The following GVQW3 variants were observed in gnomAD, a reference collection of about 807,000 sequenced individuals.
The protein encoded by GVQW3 is GVQW motif containing 3, also known as protein GVQW3.
GVQW3 carries 7 observed loss-of-function variants against 12.5 expected under a neutral mutation model. That is an observed-to-expected ratio of 0.56 (90% CI 0.32 to 1.05). The LOEUF is 1.05. Among genes scored for constraint, GVQW3 ranks in the 50% least tolerant of loss-of-function variants. GVQW3 has a pLI of 0.04. For missense variants in GVQW3, 188 were observed against 190.8 expected (o/e 0.99, Z 0.09); for synonymous variants, 71 against 67.2 (o/e 1.06, Z -0.28).
At chr11:76,408,533 CA>C (rs1228441540), downstream of GVQW3, 13 of 152,240 alleles carry the variant, frequency 8.5e-5, no homozygotes, top group African/African-American at 3.1e-4. Flanking sequence ...ATCAGTGCTC[CA>C]GCAAGTGAAC....
At chr11:76,412,373 G>A (rs1463599886), downstream of GVQW3, 1 of 152,228 alleles carries the variant, frequency 6.6e-6, no homozygotes, top group South Asian at 2.1e-4. Flanking sequence ...TGGTACTGAA[G>A]GATGGGCAGG....
In GVQW3 at chr11:76,385,051, CA is replaced by C. The variant is rs142832446; in HGVS notation, c.465+2759del. 3.8e-3 allele frequency among the ~76,000 whole-genome samples: 575 copies of C among 152,312 alleles called. 2 individuals are homozygous for C. Among genetic ancestry groups the C allele is most frequent in the Admixed American group, 9.3e-3 (143 of 15,296 alleles). ...CTGGATTTTATTCCAGTCCTATGAA[CA>C]GGGCTGGTATGTCCCTGCCAGTGAT... On this transcript the variant is annotated intron_variant, in intron 1 of 1. Coordinates refer to ENST00000529331, the MANE Select transcript of GVQW3 (RefSeq NM_001347885.2).
Position 76,400,006 on chromosome 11 carries a change from TACACACACACACACAC to T in GVQW3, c.466-3625_466-3610del, listed in dbSNP as rs60192043. 5.1e-4 allele frequency among the ~76,000 whole-genome samples: 71 copies of T among 140,466 alleles called. 2 individuals are homozygous for T. The South Asian group carries it at 0.012, about 24-fold the overall frequency. 92.2% of individuals were successfully genotyped at this position (140,466 alleles called of 152,430 possible). On this transcript the variant is annotated intron_variant, in intron 1 of 1. Transcript: ENST00000529331. Reference sequence around the variant, plus strand: ...TATAATAAATCTCTCTCTCTCTGTATACACACACACACACACACACACACACACACACACACACACA... The same window carrying T: ...TATAATAAATCTCTCTCTCTCTGTATACACACACACACACACACACACACA...
downstream of GVQW3, among the ~76,000 whole-genome samples, chr11:76,409,786 T>C (rs768872420): frequency 6.6e-6 from 1 of 152,154 alleles, no homozygotes; most frequent in Non-Finnish European, 1.5e-5. Context: ...AATGGTTTGT[T>C]CCTAGAATAC....
exon 2 of GVQW3, chr11:76,414,066 T>C (rs964605483): frequency 1.3e-5 from 2 of 152,154 alleles, no homozygotes; most frequent in East Asian, 3.9e-4. Flanking sequence ...TGGGCCCTGG[T>C]CACAAACTTC....
chr11:76,407,130 C>T lies in GVQW3; in HGVS notation c.*3372C>T, dbSNP rs1565249301. On this transcript the variant is annotated 3_prime_UTR_variant, in exon 2 of 2. Transcript: ENST00000529331. Reference sequence around the variant, plus strand: ...TTTCTGCTGTGTTTAAGAAAAATTACTTAACTTGTGAGACATTATGAAAAG... The same window carrying T: ...TTTCTGCTGTGTTTAAGAAAAATTATTTAACTTGTGAGACATTATGAAAAG... The T allele has an allele frequency of 6.6e-6, 1 of 152,160 alleles. No homozygotes were observed. The highest frequency in any genetic ancestry group is 1.9e-4 in the East Asian group (1 of 5,200). The allele number at this position is 152,160 out of a possible 1,614,324, so 9.4% of individuals were successfully genotyped here.
intron 1 of GVQW3, among the ~76,000 whole-genome samples, chr11:76,399,898 C>T (rs1160324046): frequency 6.6e-6 from 1 of 152,034 alleles, no homozygotes; most frequent in Non-Finnish European, 1.5e-5. Context: ...TGTTGGCTCT[C>T]CTGGGTCTAC....
chr11:76,388,480 C>T (rs1312237414), intron 1 of GVQW3, among the ~76,000 whole-genome samples: 1 of 152,028 alleles, frequency 6.6e-6, no homozygotes, highest in Non-Finnish European at 1.5e-5. Flanking sequence ...TTGTCTGATC[C>T]AGTCAGTCAT....
At chr11:76,401,293 A>AT (rs2134559857) in intron 1 of GVQW3, among the ~76,000 whole-genome samples, 1 of 150,678 alleles carries the variant, frequency 6.6e-6, no homozygotes, top group African/African-American at 2.4e-5. Context: ...CTCTATTTTG[A>AT]TCTTTTTTTT....
downstream of GVQW3, chr11:76,410,859 T>C (rs1331741973): frequency 6.6e-6 from 1 of 152,264 alleles, no homozygotes; most frequent in Non-Finnish European, 1.5e-5. Flanking sequence ...TTGTGTTTTC[T>C]AGGTCTGCAC....
At chr11:76,388,027 CA>C (rs1034847691) in intron 1 of GVQW3, among the ~76,000 whole-genome samples, 1 of 152,184 alleles carries the variant, frequency 6.6e-6, no homozygotes, top group Non-Finnish European at 1.5e-5. Flanking sequence ...TTCTGGTTCA[CA>C]AAATAAATTT....
At chr11:76,413,601 C>A (rs951138786) in exon 2 of GVQW3, 1 of 152,242 alleles carries the variant, frequency 6.6e-6, no homozygotes, top group African/African-American at 2.4e-5. Context: ...AAGAGCAGCT[C>A]TCCTTCCCAA....
Position 76,382,512 on chromosome 11 carries a change from G to A in GVQW3, c.465+219G>A, listed in dbSNP as rs533886425. On this transcript the variant is annotated intron_variant, in intron 1 of 1. Coordinates refer to ENST00000529331, the MANE Select transcript of GVQW3 (RefSeq NM_001347885.2). The stretch of plus-strand genomic sequence containing the variant: ...AACTAGGATGCTGCCTCACTGTTAG[G>A]CACCTTCTTTGGCTGCTCACGTATT... The A allele has an allele frequency of 6.0e-5, 37 of 612,578 alleles. No homozygotes were observed. The South Asian group carries it at 7.1e-4, about 12-fold the overall frequency. The allele number at this position is 612,578 out of a possible 1,614,324, so 37.9% of individuals were successfully genotyped here. A position where few individuals can be genotyped will look rare whatever the true frequency, so the allele number is the denominator to read the frequency against.
At chr11:76,393,203 T>C (rs1178648015) in intron 1 of GVQW3, among the ~76,000 whole-genome samples, 5 of 152,182 alleles carry the variant, frequency 3.3e-5, no homozygotes, top group Non-Finnish European at 7.3e-5. Context: ...GTGATGGGTG[T>C]AGTATAAGGG....
chr11:76,399,226 A>G (rs1357206693), intron 1 of GVQW3, among the ~76,000 whole-genome samples: 1 of 151,766 alleles, frequency 6.6e-6, no homozygotes, highest in East Asian at 1.9e-4. Flanking sequence ...TGCAACCTCT[A>G]CCTCCCAGGT....
At chr11:76,385,560 C>A (rs1049593725) in intron 1 of GVQW3, among the ~76,000 whole-genome samples, 10 of 152,224 alleles carry the variant, frequency 6.6e-5, no homozygotes, top group African/African-American at 2.2e-4. Context: ...GTCACATCTT[C>A]AGTAGCTGCT....
chr11:76,390,518 G>C (rs1487829717), intron 1 of GVQW3, among the ~76,000 whole-genome samples: 2 of 152,248 alleles, frequency 1.3e-5, no homozygotes, highest in African/African-American at 4.8e-5. Context: ...ACACATTTCA[G>C]TGAGGGAGAC....
downstream of GVQW3, chr11:76,411,071 T>C (rs939097093): frequency 2.0e-5 from 3 of 152,286 alleles, no homozygotes; most frequent in Admixed American, 2.0e-4. Flanking sequence ...TGCTGCCTGC[T>C]CCACATACAG....
At chr11:76,393,958 G>GC (rs1487864412) in intron 1 of GVQW3, among the ~76,000 whole-genome samples, 6 of 151,996 alleles carry the variant, frequency 3.9e-5, no homozygotes, top group Non-Finnish European at 8.8e-5. Context: ...GAGTGCAGTG[G>GC]CACCATCTTG....
Sources: gnomAD v4.1 joint callset for allele counts (sites outside exome capture counted in the v4.1 genomes callset) on GRCh38, gnomAD v4.1.1 for gene constraint, MANE v1.5 for transcripts, NCBI Gene and HGNC (gene_info 2026-07-23, HGNC 2026-07-21) for gene names.